CLCA2: variants seen among roughly 807,000 people sequenced by gnomAD.
CLCA2 encodes the protein chloride channel accessory 2.
In CLCA2, 85 loss-of-function variants were observed where a neutral mutation model predicts 82.9. That is an observed-to-expected ratio of 1.03 (90% confidence interval 0.86 to 1.23). The LOEUF is 1.23. CLCA2 is among the 50% of genes most tolerant of loss of function. The pLI, the probability that CLCA2 is intolerant of heterozygous loss-of-function variation, is 0.00. For synonymous variants in CLCA2, 421 were observed against 391.7 expected, an observed-to-expected ratio of 1.07 and a Z score of -0.88; for missense variants, 1,089 against 1,124.8, an observed-to-expected ratio of 0.97 and a Z score of 0.45.
Position 86,434,526 on chromosome 1 carries a change from A to G in CLCA2, c.753A>G (p.Glu251=), listed in dbSNP as rs150793482. ...MFMQSLSSVV[E]FCNASTHNQE... is the part of the protein sequence containing the mutation. ...ACTGTTTTTATTTCCAGGTGGTTGAATTTTGTAATGCAAGTACCCACAACC... is the reference window on the plus strand; with the variant it reads ...ACTGTTTTTATTTCCAGGTGGTTGAGTTTTGTAATGCAAGTACCCACAACC... Residue 251 remains glutamate (E), a synonymous_variant, in exon 6 of 14, where the codon GAA becomes GAG. Coordinates refer to ENST00000370565, the MANE Select transcript of CLCA2 (RefSeq NM_006536.7). 65 of 1,613,630 alleles carry G rather than the reference A, an allele frequency of 4.0e-5. No individual in the cohort carries two copies. Among genetic ancestry groups the G allele is most frequent in the Non-Finnish European group, 5.2e-5 (61 of 1,179,856 alleles).
chr1:86,440,315 A>G lies in CLCA2; in HGVS notation c.1371A>G (p.Ser457=), dbSNP rs1662700233. 6.2e-7 allele frequency: 1 copy of G among 1,613,758 alleles called. No individual in the cohort carries two copies. The highest frequency in any genetic ancestry group is 8.5e-7 in the Non-Finnish European group (1 of 1,179,924). ...CAGCCCCAAATCTGGAGGAATTATC[A>G]CGTCTTACAGGTAATAAACTTTTAA... The part of the protein sequence containing the change: ...SSAAPNLEEL[S]RLTGGLKFFV... Residue 457 remains serine (S), a synonymous_variant, in exon 8 of 14, where the codon TCA becomes TCG. Transcript: ENST00000370565.
chr1:86,432,092 C>T (rs975705840), intron 4 of CLCA2, among the ~76,000 whole-genome samples: 14 of 152,038 alleles, frequency 9.2e-5, no homozygotes, highest in African/African-American at 3.1e-4. Flanking sequence ...CCCAACACCA[C>T]GCCTGGCTAA....
intron 4 of CLCA2, among the ~76,000 whole-genome samples, chr1:86,431,685 A>G (rs1275883121): frequency 6.6e-6 from 1 of 152,122 alleles, no homozygotes; most frequent in African/African-American, 2.4e-5. Flanking sequence ...TTTTCCCCTG[A>G]TACCAAGTGG....
In CLCA2 at chr1:86,443,786, G is replaced by T; in HGVS notation, c.1489-1G>T. On this transcript the variant is annotated splice_acceptor_variant, in intron 9 of 13. Coordinates refer to ENST00000370565, the MANE Select transcript of CLCA2 (RefSeq NM_006536.7). LOFTEE classifies it high-confidence loss of function. ...TCTCATATATATCTTCTCTTTAACA[G>T]CTTGAAAGTACAGGTGAAAATGTCA... 6.2e-7 allele frequency: 1 copy of T among 1,611,230 alleles called. No homozygotes were observed. Among genetic ancestry groups the T allele is most frequent in the South Asian group, 1.1e-5 (1 of 90,900 alleles).
chr1:86,425,740 G>A (rs2101687532), intron 2 of CLCA2, among the ~76,000 whole-genome samples: 1 of 152,270 alleles, frequency 6.6e-6, no homozygotes, highest in Non-Finnish European at 1.5e-5. Flanking sequence ...AGTACTTTCT[G>A]AAAAGTTTGG....
At position 86,432,462 on chromosome 1, in the gene CLCA2, C is replaced by A. The variant is rs755409304; in HGVS notation, c.678C>A (p.Cys226Ter). Residue 226 changes from cysteine (C) to a stop codon, truncating the protein, a stop_gained, in exon 5 of 14, where the codon TGC becomes TGA. Coordinates refer to ENST00000370565, the MANE Select transcript of CLCA2 (RefSeq NM_006536.7). LOFTEE classifies it high-confidence loss of function. Reference sequence around the variant, plus strand: ...TTAGTAAGCTTTTTAAAGAAGGATGCACCTTTATCTACAATAGCACCCAAA... The same window carrying A: ...TTAGTAAGCTTTTTAAAGAAGGATGAACCTTTATCTACAATAGCACCCAAA... ...CIISKLFKEG[C>*]TFIYNSTQNA... 6.2e-7 allele frequency: 1 copy of A among 1,613,862 alleles called. No homozygotes were observed. Among genetic ancestry groups the A allele is most frequent in the African/African-American group, 1.3e-5 (1 of 74,906 alleles).
intron 6 of CLCA2, among the ~76,000 whole-genome samples, chr1:86,437,074 C>A (rs1009111339): frequency 3.3e-5 from 5 of 152,052 alleles, no homozygotes; most frequent in African/African-American, 1.2e-4. Flanking sequence ...CTGTATTGAG[C>A]AAGAATGATG....
intron 13 of CLCA2, among the ~76,000 whole-genome samples, chr1:86,454,124 C>A (rs1663027144): frequency 6.6e-6 from 1 of 152,172 alleles, no homozygotes; most frequent in Non-Finnish European, 1.5e-5. Flanking sequence ...ACTTTTTCTA[C>A]TTTCCCTTTT....
chr1:86,431,405 T>G (rs1662496986), intron 4 of CLCA2, among the ~76,000 whole-genome samples: 2 of 152,232 alleles, frequency 1.3e-5, no homozygotes, highest in Non-Finnish European at 2.9e-5. Flanking sequence ...ACCAGTCTCC[T>G]CTTGGTGGAC....
In CLCA2 at chr1:86,432,366, T is replaced by C. The variant is rs1357040052; in HGVS notation, c.585-3T>C. ...AATTCCCAGTTTCTCTTTCCATTTT[T>C]AGGTGTTCATCTGACATCACAGGCA... On this transcript the variant is annotated splice_region_variant and splice_polypyrimidine_tract_variant and intron_variant, in intron 4 of 13. Transcript: ENST00000370565. 2.5e-6 allele frequency: 4 copies of C among 1,612,204 alleles called. No individual in the cohort carries two copies. The Admixed American group carries it at 6.7e-5, about 27-fold the overall frequency.
At chr1:86,436,331 C>T (rs571463728) in intron 6 of CLCA2, among the ~76,000 whole-genome samples, 11 of 152,218 alleles carry the variant, frequency 7.2e-5, no homozygotes, top group African/African-American at 1.4e-4. Flanking sequence ...GCAGTTGCTA[C>T]GAATCAGGCC....
Position 86,440,177 on chromosome 1 carries a change from T to G in CLCA2, c.1233T>G (p.Tyr411Ter). The G allele has an allele frequency of 6.2e-7, 1 of 1,614,098 alleles. No individual in the cohort carries two copies. Among genetic ancestry groups the G allele is most frequent in the Non-Finnish European group, 8.5e-7 (1 of 1,179,970 alleles). ...EVVEKLNGKA[Y>*]GSVMILVTSG... The stretch of plus-strand genomic sequence containing the variant: ...TTGAAAAACTGAATGGAAAAGCTTA[T>G]GGCTCTGTGATGATATTAGTGACCA... The change falls in exon 8 of 14, where the codon TAT (tyrosine) becomes TAG (stop). Residue 411 changes from tyrosine (Y) to a stop codon, truncating the protein, a stop_gained. Coordinates refer to ENST00000370565, the MANE Select transcript of CLCA2 (RefSeq NM_006536.7). LOFTEE classifies it high-confidence loss of function.
At chr1:86,443,005 G>T (rs1337136553) in intron 9 of CLCA2, among the ~76,000 whole-genome samples, 1 of 151,982 alleles carries the variant, frequency 6.6e-6, no homozygotes. Context: ...GTGCACACAC[G>T]TGGCTTATTG....
intron 12 of CLCA2, 90 bp from the exon 13 acceptor site, chr1:86,453,279 A>T: frequency 3.5e-6 from 3 of 861,254 alleles, no homozygotes; most frequent in Non-Finnish European, 5.4e-6. Flanking sequence ...AAAGAAAAAA[A>T]GGTTTAAGAA....
chr1:86,427,440 A>G (rs1662410331), intron 2 of CLCA2, among the ~76,000 whole-genome samples: 1 of 152,084 alleles, frequency 6.6e-6, no homozygotes, highest in African/African-American at 2.4e-5. Flanking sequence ...ATTTATACTC[A>G]TTGAAAAAAA....
chr1:86,440,138 C>G lies in CLCA2; in HGVS notation c.1204-10C>G, dbSNP rs764964319. 1 of 1,611,758 alleles carries G rather than the reference C, an allele frequency of 6.2e-7. No individual in the cohort carries two copies. The highest frequency in any genetic ancestry group is 1.1e-5 in the South Asian group (1 of 90,560). ...CACTTCCTTCCAAGTGACTAATTCT[C>G]TATGTTCAGGTGGTTGAAAAACTGA... is the stretch of plus-strand genomic sequence containing the variant. On this transcript the variant is annotated splice_polypyrimidine_tract_variant and intron_variant, in intron 7 of 13. Transcript: ENST00000370565.
At chr1:86,445,931 T>A (rs533163756) in intron 10 of CLCA2, among the ~76,000 whole-genome samples, 1 of 152,216 alleles carries the variant, frequency 6.6e-6, no homozygotes, top group South Asian at 2.1e-4. Context: ...TCTATAGAAT[T>A]CAAAACTGTA....
Position 86,425,350 on chromosome 1 carries a change from T to C in CLCA2, c.198T>C (p.Thr66=). Residue 66 remains threonine (T), a synonymous_variant, in exon 2 of 14, where the codon ACT becomes ACC. Transcript: ENST00000370565. ...TTGTCTGGCTGTAGGAAATGATAAC[T>C]GAAGCTTCATTTTACCTATTTAATG... ...NLISNIKEMI[T]EASFYLFNAT... 4 of 1,557,170 alleles carry C rather than the reference T, an allele frequency of 2.6e-6. No individual in the cohort carries two copies. Among genetic ancestry groups the C allele is most frequent in the Non-Finnish European group, 2.6e-6 (3 of 1,154,436 alleles).
In CLCA2 at chr1:86,428,482, G is replaced by T; in HGVS notation, c.389G>T (p.Arg130Ile). ...HGDDPYTLQY[R>I]GCGKEGKYIH... ...GATGATCCATACACCCTACAATACA[G>T]AGGGTGTGGAAAAGAGGGAAAATAC... is the stretch of plus-strand genomic sequence containing the variant. Residue 130 changes from arginine to isoleucine, a missense_variant, in exon 3 of 14, where the codon AGA (arginine) becomes ATA (isoleucine). Coordinates refer to ENST00000370565, the MANE Select transcript of CLCA2 (RefSeq NM_006536.7). The T allele has an allele frequency of 6.2e-7, 1 of 1,613,180 alleles. No homozygotes were observed. The highest frequency in any genetic ancestry group is 8.5e-7 in the Non-Finnish European group (1 of 1,179,188).
Sources: gnomAD v4.1 joint callset for allele counts (sites outside exome capture counted in the v4.1 genomes callset) on GRCh38, gnomAD v4.1.1 for gene constraint, MANE v1.5 for transcripts, NCBI Gene and HGNC (gene_info 2026-07-23, HGNC 2026-07-21) for gene names.